EHD4: variants seen among roughly 807,000 people sequenced by gnomAD.
EHD4 encodes the protein EH domain containing 4.
Under a neutral mutation model 51.0 loss-of-function variants are expected in EHD4, and 37 were observed. That is an observed-to-expected ratio of 0.73 (90% CI 0.56 to 0.95). The LOEUF (loss-of-function observed/expected upper bound fraction) is 0.95, where lower values mean the gene tolerates loss of function less well. EHD4 is among the 40% of genes least tolerant of loss of function. EHD4 has a pLI of 0.00. For synonymous variants in EHD4, 297 were observed against 317.3 expected (o/e 0.94, Z 0.68); for missense variants, 632 against 733.1 (o/e 0.86, Z 1.59).
At chr15:41,912,891 C>T (rs1230661415) in intron 4 of EHD4, among the ~76,000 whole-genome samples, 7 of 152,060 alleles carry the variant, frequency 4.6e-5, no homozygotes, top group African/African-American at 1.7e-4. Context: ...CGTTCCTGTC[C>T]CTAAAGAACT....
At chr15:41,907,456 G>A (rs1246186626) in intron 5 of EHD4, among the ~76,000 whole-genome samples, 1 of 152,198 alleles carries the variant, frequency 6.6e-6, no homozygotes, top group Admixed American at 6.5e-5. Context: ...ACCCAATTCA[G>A]CTTGTGAGCA....
chr15:41,948,870 A>C (rs1231309563), intron 2 of EHD4, among the ~76,000 whole-genome samples: 3 of 151,850 alleles, frequency 2.0e-5, no homozygotes, highest in Non-Finnish European at 4.4e-5. Context: ...CTTTACAAAA[A>C]ATACAAAAAT....
chr15:41,919,440 G>C lies in EHD4; in HGVS notation c.694C>G (p.Leu232Val), dbSNP rs768155622. Residue 232 changes from leucine (L) to valine (V), a missense_variant, in exon 4 of 6, where the codon CTG (leucine) becomes GTG (valine). Leu to Val is a conservative substitution (Grantham distance 32). Coordinates refer to ENST00000220325, the MANE Select transcript of EHD4 (RefSeq NM_139265.4). Reference protein sequence around the residue: ...NKADQVDTQQLMRVYGALMWS... With the variant: ...NKADQVDTQQVMRVYGALMWS... ...ATGAGGGCCCCGTAGACCCGCATCA[G>C]CTGCTGCGTGTCCACTTGGTCGGCC... is the stretch of plus-strand genomic sequence containing the variant. 1.1e-5 allele frequency: 17 copies of C among 1,580,214 alleles called. No individual in the cohort carries two copies. Among genetic ancestry groups the C allele is most frequent in the Non-Finnish European group, 1.5e-5 (17 of 1,162,194 alleles).
chr15:41,923,785 T>A (rs778388555), intron 3 of EHD4, among the ~76,000 whole-genome samples: 1 of 152,218 alleles, frequency 6.6e-6, no homozygotes, highest in South Asian at 2.1e-4. Context: ...CCAATAGATG[T>A]TTAGGTGGTG....
intron 1 of EHD4, among the ~76,000 whole-genome samples, chr15:41,968,587 GC>G (rs2067976830): frequency 6.6e-6 from 1 of 151,474 alleles, no homozygotes; most frequent in Non-Finnish European, 1.5e-5. Flanking sequence ...ACTGCACCTG[GC>G]CCCTCATCTT....
chr15:41,959,907 T>G (rs1465414981), intron 1 of EHD4, among the ~76,000 whole-genome samples: 4 of 151,002 alleles, frequency 2.6e-5, no homozygotes, highest in African/African-American at 9.8e-5. Context: ...GAGGCGGAGG[T>G]TGCAGTGAGC....
chr15:41,929,090 C>T (rs1220161351), intron 3 of EHD4, among the ~76,000 whole-genome samples: 3 of 152,118 alleles, frequency 2.0e-5, no homozygotes, highest in Non-Finnish European at 4.4e-5. Flanking sequence ...CTCCCAGTAC[C>T]TAGCCTAAAG....
At chr15:41,963,226 C>T (rs1290988492) in intron 1 of EHD4, among the ~76,000 whole-genome samples, 1 of 151,692 alleles carries the variant, frequency 6.6e-6, no homozygotes, top group Non-Finnish European at 1.5e-5. Flanking sequence ...CTGACCTTCC[C>T]TCCACTATTG....
At chr15:41,911,786 G>C (rs914492959) in intron 4 of EHD4, among the ~76,000 whole-genome samples, 1 of 152,092 alleles carries the variant, frequency 6.6e-6, no homozygotes, top group African/African-American at 2.4e-5. Context: ...CCCTGCTCTG[G>C]GGCCTAGCCC....
chr15:41,945,830 C>T (rs943371827), intron 2 of EHD4, among the ~76,000 whole-genome samples: 3 of 152,328 alleles, frequency 2.0e-5, no homozygotes, highest in Middle Eastern at 3.4e-3. Flanking sequence ...CAGTGGTAGT[C>T]GTAGCCCAGT....
intron 3 of EHD4, among the ~76,000 whole-genome samples, chr15:41,933,486 G>A (rs2067712072): frequency 6.6e-6 from 1 of 152,212 alleles, no homozygotes; most frequent in African/African-American, 2.4e-5. Context: ...AAGAGGTGAA[G>A]TAACTCGCCC....
intron 3 of EHD4, among the ~76,000 whole-genome samples, chr15:41,924,599 T>C (rs976683225): frequency 1.3e-5 from 2 of 152,044 alleles, no homozygotes; most frequent in Non-Finnish European, 2.9e-5. Context: ...CAAGAAATAT[T>C]TGTGGGAGAA....
intron 1 of EHD4, among the ~76,000 whole-genome samples, chr15:41,957,527 C>T (rs2067895512): frequency 1.3e-5 from 2 of 152,162 alleles, no homozygotes; most frequent in Admixed American, 1.3e-4. Context: ...CTTATCTTTA[C>T]AAGCGACAAG....
chr15:41,907,560 T>C (rs1486363777), intron 5 of EHD4, among the ~76,000 whole-genome samples: 1 of 152,170 alleles, frequency 6.6e-6, no homozygotes, highest in East Asian at 1.9e-4. Flanking sequence ...TACACTGTTG[T>C]CCTGGCTGGA....
intron 3 of EHD4, chr15:41,926,130 G>A (rs181327143): frequency 1.4e-4 from 21 of 152,426 alleles, no homozygotes; most frequent in African/African-American, 4.8e-4. Flanking sequence ...GCCAAGGCAA[G>A]AGGATTACTT....
intron 2 of EHD4, among the ~76,000 whole-genome samples, 199 bp downstream of exon 2, chr15:41,953,565 C>A (rs1272302460): frequency 6.6e-6 from 1 of 152,132 alleles, no homozygotes; most frequent in Non-Finnish European, 1.5e-5. Flanking sequence ...TCTGCCCTCT[C>A]AAGTTACCCA....
At chr15:41,972,207 A>C in intron 1 of EHD4, 52 bp downstream of exon 1, 1 of 1,406,508 alleles carries the variant, frequency 7.1e-7, no homozygotes, top group Non-Finnish European at 9.4e-7. Flanking sequence ...TGCGGCGCAC[A>C]CGTGGGGAGG....
chr15:41,931,491 T>C (rs1433522046), intron 3 of EHD4, among the ~76,000 whole-genome samples: 1 of 152,124 alleles, frequency 6.6e-6, no homozygotes, highest in African/African-American at 2.4e-5. Flanking sequence ...TCAGCCTGGG[T>C]GACGGAGCTT....
chr15:41,952,998 C>CAAAA (rs33930801), intron 2 of EHD4, among the ~76,000 whole-genome samples: 2,926 of 69,074 alleles, frequency 0.042, 81 homozygotes, highest in South Asian at 0.094. Flanking sequence ...TTCCCCCCCG[C>CAAAA]AAAAAAAAAA....
Sources: gnomAD v4.1 joint callset for allele counts (sites outside exome capture counted in the v4.1 genomes callset) on GRCh38, gnomAD v4.1.1 for gene constraint, MANE v1.5 for transcripts, NCBI Gene and HGNC (gene_info 2026-07-23, HGNC 2026-07-21) for gene names.